The following ADARB2 variants were observed in gnomAD, a reference collection of about 807,000 sequenced individuals.
The protein encoded by ADARB2 is inactive double-stranded RNA-specific editase B2.
A neutral mutation model predicts 62.2 loss-of-function variants in ADARB2; 25 were observed. That is an observed-to-expected ratio of 0.40 (90% CI 0.29 to 0.56). The LOEUF (loss-of-function observed/expected upper bound fraction) is 0.56. Among genes scored for constraint, ADARB2 ranks in the 20% least tolerant of loss-of-function variants. ADARB2 has a pLI of 0.43. For missense variants in ADARB2, 1,071 were observed against 1,077.4 expected (o/e 0.99, Z 0.08); for synonymous variants, 572 against 500.8 (o/e 1.14, Z -1.90).
chr10:1,289,393 A>C (rs1427139439), intron 3 of ADARB2, among the ~76,000 whole-genome samples: 2 of 152,216 alleles, frequency 1.3e-5, no homozygotes, highest in African/African-American at 2.4e-5. Context: ...GTGTGTCCTT[A>C]ACCTCGGCAA....
At chr10:1,298,626 C>T (rs1463444159) in intron 3 of ADARB2, among the ~76,000 whole-genome samples, 1 of 150,944 alleles carries the variant, frequency 6.6e-6, no homozygotes, top group East Asian at 1.9e-4. Flanking sequence ...ATGGAGAAGA[C>T]ACATACTGGG....
chr10:1,317,420 C>T (rs553305988), intron 3 of ADARB2, among the ~76,000 whole-genome samples: 6 of 152,236 alleles, frequency 3.9e-5, no homozygotes, highest in African/African-American at 9.6e-5. Flanking sequence ...AGTTGTTGTA[C>T]GGATTTTTCT....
chr10:1,311,593 C>T (rs1429453159), intron 3 of ADARB2, among the ~76,000 whole-genome samples: 1 of 152,160 alleles, frequency 6.6e-6, no homozygotes, highest in Non-Finnish European at 1.5e-5. Flanking sequence ...TAGAGTGTCC[C>T]CCTGCCTGCT....
At chr10:1,483,225 A>G (rs1831498258) in intron 1 of ADARB2, among the ~76,000 whole-genome samples, 1 of 152,182 alleles carries the variant, frequency 6.6e-6, no homozygotes, top group African/African-American at 2.4e-5. Flanking sequence ...CTAAAAGTAA[A>G]AGCTGAGAAT....
intron 1 of ADARB2, among the ~76,000 whole-genome samples, chr10:1,643,444 C>T (rs995455236): frequency 1.3e-5 from 2 of 152,210 alleles, no homozygotes; most frequent in African/African-American, 4.8e-5. Flanking sequence ...GGGCTAGAGG[C>T]CACTCTTAGG....
intron 1 of ADARB2, among the ~76,000 whole-genome samples, chr10:1,524,340 C>G (rs554813711): frequency 6.6e-6 from 1 of 152,164 alleles, no homozygotes; most frequent in African/African-American, 2.4e-5. Context: ...TTGTGACTAA[C>G]GTGTCCAATA....
At chr10:1,293,176 GGGGAGAGAAA>G in intron 3 of ADARB2, among the ~76,000 whole-genome samples, 1 of 52,812 alleles carries the variant, frequency 1.9e-5, no homozygotes, top group Non-Finnish European at 4.2e-5. Context: ...GGGGGGAGAG[GGGGAGAGAAA>G]GACAGGAATA....
At chr10:1,603,662 T>C (rs1833458693) in intron 1 of ADARB2, among the ~76,000 whole-genome samples, 1 of 151,080 alleles carries the variant, frequency 6.6e-6, no homozygotes, top group South Asian at 2.1e-4. Flanking sequence ...TGGTCATAAG[T>C]CACAGTCACA....
rs1833699632 is a variant in ADARB2 at position 1,621,160 on chromosome 10, G to A, written c.100+115891C>T. 2.0e-5 allele frequency among the ~76,000 whole-genome samples: 3 copies of A among 152,260 alleles called. No individual in the cohort carries two copies. In the South Asian group the frequency reaches 6.2e-4, roughly 32 times the overall value. On this transcript the variant is annotated intron_variant, in intron 1 of 9. Transcript: ENST00000381312. ...ACATGCCAATCATTCAAGGCATCCA[G>A]CATAGGAAATATTAAAATGTATTCA...
chr10:1,200,171 C>T lies in ADARB2; in HGVS notation c.1683-24G>A, dbSNP rs374809407. 5.7e-5 allele frequency: 89 copies of T among 1,550,168 alleles called. No individual in the cohort carries two copies. In the Admixed American group the frequency reaches 7.5e-4, roughly 13 times the overall value. On this transcript the variant is annotated intron_variant, in intron 7 of 9. Coordinates refer to ENST00000381312, the MANE Select transcript of ADARB2 (RefSeq NM_018702.4). Reference sequence around the variant, plus strand: ...ACCTGTGGGGAGAGCCAGCAGTCAGCGGAGCCCCACCCAGGAGCCCAGGGA... The same window carrying T: ...ACCTGTGGGGAGAGCCAGCAGTCAGTGGAGCCCCACCCAGGAGCCCAGGGA...
In ADARB2 at chr10:1,481,633, C is replaced by T. The variant is rs181194181; in HGVS notation, c.101-102473G>A. Among the ~76,000 whole-genome samples, 1,280 of 39,416 alleles carry T rather than the reference C, an allele frequency of 0.032. 16 individuals are homozygous for T. In the East Asian group the frequency reaches 0.5, roughly 15 times the overall value. 25.9% of individuals were successfully genotyped at this position (39,416 alleles called of 152,430 possible). A position where few individuals can be genotyped will look rare whatever the true frequency, so the allele number is the denominator to read the frequency against. On this transcript the variant is annotated intron_variant, in intron 1 of 9. Coordinates refer to ENST00000381312, the MANE Select transcript of ADARB2 (RefSeq NM_018702.4). ...CACGCATCATCCCAGCTGAAGTGTG[C>T]GGATCACGAGGTCAGGAGTTCAAGA...
rs373936247 is a variant in ADARB2, at chr10:1,724,647, G to A, written c.100+12404C>T. Among the ~76,000 whole-genome samples the A allele has an allele frequency of 5.3e-5, 8 of 152,328 alleles. No homozygotes were observed. The East Asian group carries it at 7.7e-4, about 15-fold the overall frequency. On this transcript the variant is annotated intron_variant, in intron 1 of 9. Transcript: ENST00000381312. ...CCTCAGTGAGCCACAGCCTGGTGGG[G>A]TCCTGGAAGAGCTTCAGGTCCCATA...
intron 1 of ADARB2, among the ~76,000 whole-genome samples, chr10:1,713,116 G>A (rs553098275): frequency 6.6e-6 from 1 of 152,318 alleles, no homozygotes; most frequent in South Asian, 2.1e-4. Context: ...GTCAGGCGAT[G>A]GAGGCTGCAG....
chr10:1,603,107 A>AC (rs1833446307), intron 1 of ADARB2, among the ~76,000 whole-genome samples: 1 of 148,302 alleles, frequency 6.7e-6, no homozygotes, highest in African/African-American at 2.6e-5. Flanking sequence ...ATCAACACAC[A>AC]CACCTATACA....
At chr10:1,408,411 A>C (rs968519448) in intron 1 of ADARB2, among the ~76,000 whole-genome samples, 36 of 152,230 alleles carry the variant, frequency 2.4e-4, no homozygotes, top group Admixed American at 6.5e-5. Flanking sequence ...GAACATCTTT[A>C]CACATGAGTC....
intron 7 of ADARB2, chr10:1,216,102 G>C (rs898981044): frequency 2.0e-5 from 3 of 151,916 alleles, no homozygotes; most frequent in African/African-American, 7.3e-5. Flanking sequence ...GGACGGAGAG[G>C]TCTTGGGACA....
intron 1 of ADARB2, among the ~76,000 whole-genome samples, chr10:1,628,972 C>G (rs544102733): frequency 6.6e-6 from 1 of 152,292 alleles, no homozygotes; most frequent in South Asian, 2.1e-4. Flanking sequence ...GAGGGCTGGA[C>G]AGCTGGCCGG....
chr10:1,211,172 T>A (rs374853339), intron 7 of ADARB2, among the ~76,000 whole-genome samples: 2 of 152,006 alleles, frequency 1.3e-5, no homozygotes, highest in East Asian at 3.9e-4. Flanking sequence ...TAATCTATGA[T>A]CTATCATCTA....
intron 1 of ADARB2, among the ~76,000 whole-genome samples, chr10:1,493,941 A>G (rs1831655678): frequency 6.6e-6 from 1 of 151,340 alleles, no homozygotes; most frequent in Non-Finnish European, 1.5e-5. Context: ...TTTTTAGTAG[A>G]GATGGGGTTT....
Sources: allele counts gnomAD v4.1 joint callset (sites outside exome capture counted in the v4.1 genomes callset), GRCh38; gene constraint gnomAD v4.1.1; transcripts MANE v1.5; gene names NCBI Gene and HGNC (gene_info 2026-07-23, HGNC 2026-07-21).